PCDHA9: variants seen among roughly 807,000 people sequenced by gnomAD.
PCDHA9 encodes the protein protocadherin alpha 9, also known as protocadherin alpha-9.
Under a neutral mutation model 62.0 loss-of-function variants are expected in PCDHA9, and 62 were observed. That is an observed-to-expected ratio of 1.00 (90% CI 0.81 to 1.23). The LOEUF (loss-of-function observed/expected upper bound fraction) is 1.23. PCDHA9 is among the 50% of genes most tolerant of loss of function. PCDHA9 has a pLI of 0.00. For synonymous variants in PCDHA9, 557 were observed against 567.6 expected (o/e 0.98, Z 0.27); for missense variants, 1,205 against 1,249.8 (o/e 0.96, Z 0.54).
intron 1 of PCDHA9, chr5:140,860,591 G>A (rs1379623651): frequency 6.6e-6 from 1 of 152,168 alleles, no homozygotes; most frequent in Non-Finnish European, 1.5e-5. Context: ...TAGGAAAGGA[G>A]TTGGAAGCTC....
At chr5:140,991,071 T>A (rs2097430480) in intron 3 of PCDHA9, among the ~76,000 whole-genome samples, 1 of 152,152 alleles carries the variant, frequency 6.6e-6, no homozygotes, top group African/African-American at 2.4e-5. Flanking sequence ...ATTCCCATGT[T>A]TCAGATAAAA....
At chr5:140,966,973 G>T in intron 1 of PCDHA9, 1 of 1,603,054 alleles carries the variant, frequency 6.2e-7, no homozygotes. Flanking sequence ...GGCTTGAGCT[G>T]CGGCGCTTGG....
intron 3 of PCDHA9, among the ~76,000 whole-genome samples, chr5:141,009,130 G>A (rs1395175038): frequency 2.0e-5 from 3 of 152,188 alleles, no homozygotes; most frequent in African/African-American, 7.2e-5. Flanking sequence ...TGGTATCCTG[G>A]TGAAAAAACC....
At chr5:140,925,141 A>G (rs1287522151) in intron 1 of PCDHA9, among the ~76,000 whole-genome samples, 1 of 151,690 alleles carries the variant, frequency 6.6e-6, no homozygotes, top group Non-Finnish European at 1.5e-5. Context: ...TTTCAAACAT[A>G]CACAAAAGTT....
At chr5:140,980,584 C>A (rs1447001293) in intron 2 of PCDHA9, among the ~76,000 whole-genome samples, 1 of 151,934 alleles carries the variant, frequency 6.6e-6, no homozygotes, top group Non-Finnish European at 1.5e-5. Context: ...GAGCCAAGAT[C>A]GAGCCACTGC....
chr5:140,989,788 G>GC (rs1331311072), intron 3 of PCDHA9, among the ~76,000 whole-genome samples: 30 of 152,276 alleles, frequency 2.0e-4, no homozygotes, highest in African/African-American at 4.6e-4. Context: ...GAGACTAGAG[G>GC]CCCCCAGGAA....
intron 1 of PCDHA9, among the ~76,000 whole-genome samples, chr5:140,921,352 T>C (rs889434892): frequency 6.6e-6 from 1 of 152,190 alleles, no homozygotes; most frequent in Non-Finnish European, 1.5e-5. Context: ...TATATTTGCC[T>C]ATATTCAAGT....
chr5:140,983,059 C>A (rs1325414567), intron 3 of PCDHA9, among the ~76,000 whole-genome samples: 3 of 151,980 alleles, frequency 2.0e-5, no homozygotes, highest in Non-Finnish European at 4.4e-5. Flanking sequence ...TTATCGGAAC[C>A]AAGGCATTGT....
chr5:140,927,272 G>A lies in PCDHA9; in HGVS notation c.2395-51677G>A, dbSNP rs782403423. 3.7e-6 allele frequency: 6 copies of A among 1,613,966 alleles called. No homozygotes were observed. Among genetic ancestry groups the A allele is most frequent in the African/African-American group, 1.3e-5 (1 of 74,910 alleles). ...GACAACTCACCTCTCTTTCCTGCCG[G>A]CGACGTGCAGCTGCACATCCCCGAG... On this transcript the variant is annotated intron_variant, in intron 1 of 3. Transcript: ENST00000532602.
Position 140,857,860 on chromosome 5 carries a change from G to A in PCDHA9, c.2394+6971G>A, listed in dbSNP as rs532607436. On this transcript the variant is annotated intron_variant, in intron 1 of 3. Transcript: ENST00000532602. ...TGGACGCTGACTCTGGATACAACGC[G>A]TGGCTGTCGTATGAATTGCAGTCGG... 1.9e-6 allele frequency: 3 copies of A among 1,597,882 alleles called. 1 individual carries two copies. Among genetic ancestry groups the A allele is most frequent in the South Asian group, 1.1e-5 (1 of 90,496 alleles).
intron 3 of PCDHA9, among the ~76,000 whole-genome samples, chr5:140,998,363 A>G (rs568271579): frequency 6.6e-6 from 1 of 152,316 alleles, no homozygotes; most frequent in Admixed American, 6.5e-5. Flanking sequence ...TAACCACTGC[A>G]CACACCGTCT....
chr5:140,908,351 AACTT>A (rs1422870011), intron 1 of PCDHA9, among the ~76,000 whole-genome samples: 5 of 152,154 alleles, frequency 3.3e-5, no homozygotes, highest in African/African-American at 1.2e-4. Context: ...TACCTCATGT[AACTT>A]ACTTGTGCCT....
rs150805116 is a variant in PCDHA9, at chr5:140,977,093, T to C, written c.2395-1856T>C. On this transcript the variant is annotated intron_variant, in intron 1 of 3. Coordinates refer to ENST00000532602, the MANE Select transcript of PCDHA9 (RefSeq NM_031857.2). ...GCAGCATGACAAATTAAATGTGTCA[T>C]TGGGGAAGTGAGATTGTATAATGAA... 6.6e-5 allele frequency among the ~76,000 whole-genome samples: 10 copies of C among 152,320 alleles called. No homozygotes were observed. The East Asian group carries it at 1.7e-3, about 26-fold the overall frequency.
At chr5:140,853,934 C>A in intron 1 of PCDHA9, 1 of 864,496 alleles carries the variant, frequency 1.2e-6, no homozygotes, top group Non-Finnish European at 1.4e-6. Flanking sequence ...TTTGGGAGGC[C>A]AAGGTGGGAG....
At position 140,892,638 on chromosome 5, in the gene PCDHA9, T is replaced by C. The variant is rs151070567; in HGVS notation, c.2394+41749T>C. Among the ~76,000 whole-genome samples the C allele has an allele frequency of 1.2e-4, 19 of 152,324 alleles. No homozygotes were observed. The East Asian group carries it at 2.5e-3, about 20-fold the overall frequency. ...CCAGTTGGTACATAATAATTGTACA[T>C]ATTTATAGGATACAGAGTGACATTT... is the stretch of plus-strand genomic sequence containing the variant. On this transcript the variant is annotated intron_variant, in intron 1 of 3. Transcript: ENST00000532602.
In PCDHA9 at chr5:140,848,545, C is replaced by T. The variant is rs2150412582; in HGVS notation, c.50C>T (p.Ser17Leu). The change falls in exon 1 of 4, where the codon TCG becomes TTG. Residue 17 changes from serine (S) to leucine (L), a missense_variant. Around this residue, in one of 3 missense-constraint regions of PCDHA9, gnomAD observed 208 missense variants for 213.2 expected, o/e 0.98. Transcript: ENST00000532602. ...CCAGAGGGTCAGCCTCTACTGCTCT[C>T]GCTTCTGATCCTCGCAATGTGGGTG... is the stretch of plus-strand genomic sequence containing the variant. The part of the protein sequence containing the change: ...GDPEGQPLLL[S>L]LLILAMWVVG... The T allele has an allele frequency of 7.5e-6, 12 of 1,595,324 alleles. No homozygotes were observed. In the South Asian group the frequency reaches 1.1e-4, roughly 15 times the overall value.
At chr5:140,895,892 A>G (rs1554186717) in intron 1 of PCDHA9, among the ~76,000 whole-genome samples, 1 of 152,080 alleles carries the variant, frequency 6.6e-6, no homozygotes, top group East Asian at 1.9e-4. Flanking sequence ...GCTCACTGCA[A>G]CCTCCGCGTC....
chr5:140,946,765 T>C (rs1255265012), intron 1 of PCDHA9, among the ~76,000 whole-genome samples: 2 of 151,428 alleles, frequency 1.3e-5, no homozygotes, highest in African/African-American at 4.9e-5. Flanking sequence ...ATCTCATTCA[T>C]GTGGAATGTA....
rs528939441 is a variant in PCDHA9 at position 140,858,900 on chromosome 5, G to C, written c.2394+8011G>C. ...CCTCCATGTGTAGAATATGTGTAGCGTACCACAGCTTATACTGCCATAGTA... is the reference window on the plus strand; with the variant it reads ...CCTCCATGTGTAGAATATGTGTAGCCTACCACAGCTTATACTGCCATAGTA... On this transcript the variant is annotated intron_variant, in intron 1 of 3. Transcript: ENST00000532602. 2 of 203,044 alleles carry C rather than the reference G, an allele frequency of 9.9e-6. 1 individual carries two copies. Among genetic ancestry groups the C allele is most frequent in the African/African-American group, 4.8e-5 (2 of 41,680 alleles). 12.6% of individuals were successfully genotyped at this position (203,044 alleles called of 1,614,324 possible). A position where few individuals can be genotyped will look rare whatever the true frequency, so the allele number is the denominator to read the frequency against.
Sources: gnomAD v4.1 joint callset for allele counts (sites outside exome capture counted in the v4.1 genomes callset) on GRCh38, gnomAD v4.1.1 for gene constraint, gnomAD v4.1.1 regional missense constraint, MANE v1.5 for transcripts, NCBI Gene and HGNC (gene_info 2026-07-23, HGNC 2026-07-21) for gene names.